Variants in CCSER1 observed in about 807,000 individuals in gnomAD.
CCSER1 encodes serine-rich coiled-coil domain-containing protein 1.
In CCSER1, 41 loss-of-function variants were observed where a neutral mutation model predicts 82.0. The observed-to-expected ratio is 0.50, with a 90% confidence interval of 0.39 to 0.65. The LOEUF is 0.65. Among genes scored for constraint, CCSER1 ranks in the 30% least tolerant of loss-of-function variants. The pLI is 0.00. For missense variants in CCSER1, 1,119 were observed against 1,064.2 expected, an observed-to-expected ratio of 1.05 and a Z score of -0.72; for synonymous variants, 414 against 383.9, an observed-to-expected ratio of 1.08 and a Z score of -0.92.
intron 4 of CCSER1, among the ~76,000 whole-genome samples, chr4:90,412,588 A>G (rs1239777206): frequency 1.3e-5 from 2 of 152,076 alleles, no homozygotes; most frequent in Non-Finnish European, 2.9e-5. Flanking sequence ...CGAGGGATGC[A>G]GGGATGGTTT....
chr4:91,486,202 G>A (rs112183341), intron 10 of CCSER1, among the ~76,000 whole-genome samples: 1 of 151,440 alleles, frequency 6.6e-6, no homozygotes, highest in African/African-American at 2.4e-5. Context: ...TTGTTATTTT[G>A]TAATATCAAT....
intron 10 of CCSER1, among the ~76,000 whole-genome samples, chr4:91,310,479 AG>A (rs2149252306): frequency 6.6e-6 from 1 of 152,018 alleles, no homozygotes; most frequent in East Asian, 2.0e-4. Context: ...GTCTTTGTCA[AG>A]AAGAAGACAA....
At chr4:91,190,409 T>C (rs1354984827) in intron 10 of CCSER1, among the ~76,000 whole-genome samples, 1 of 152,202 alleles carries the variant, frequency 6.6e-6, no homozygotes, top group Non-Finnish European at 1.5e-5. Flanking sequence ...AAAGCTTACT[T>C]ATCTTCTTAT....
At chr4:91,277,961 G>A (rs1407281375) in intron 10 of CCSER1, among the ~76,000 whole-genome samples, 1 of 151,866 alleles carries the variant, frequency 6.6e-6, no homozygotes, top group Non-Finnish European at 1.5e-5. Context: ...GGAGCATGTT[G>A]TTTAATTTCC....
intron 10 of CCSER1, among the ~76,000 whole-genome samples, chr4:91,471,908 T>TGCAGTGA (rs1331671148): frequency 6.8e-6 from 1 of 147,362 alleles, no homozygotes; most frequent in Non-Finnish European, 1.5e-5. Flanking sequence ...AGGCAGAGCT[T>TGCAGTGA]GCAGTGAGCT....
At chr4:90,963,649 A>C (rs1303896517) in intron 9 of CCSER1, among the ~76,000 whole-genome samples, 1 of 152,048 alleles carries the variant, frequency 6.6e-6, no homozygotes, top group Non-Finnish European at 1.5e-5. Context: ...AGCCATCTGC[A>C]TCCATTGGAG....
chr4:91,301,399 C>G (rs1744652965), intron 10 of CCSER1, among the ~76,000 whole-genome samples: 1 of 151,610 alleles, frequency 6.6e-6, no homozygotes, highest in African/African-American at 2.4e-5. Context: ...ACATGACTGT[C>G]ATATATTCCA....
At chr4:91,569,980 G>T (rs753584358) in intron 10 of CCSER1, among the ~76,000 whole-genome samples, 1 of 152,114 alleles carries the variant, frequency 6.6e-6, no homozygotes, top group Non-Finnish European at 1.5e-5. Context: ...ATATGATGGG[G>T]GAAAAGGCAC....
At chr4:90,849,923 C>T (rs190273051) in intron 8 of CCSER1, among the ~76,000 whole-genome samples, 1 of 152,186 alleles carries the variant, frequency 6.6e-6, no homozygotes, top group Non-Finnish European at 1.5e-5. Flanking sequence ...TGTCAGAGAC[C>T]TTCACAATAG....
At chr4:90,153,821 A>C (rs936639856) in intron 1 of CCSER1, among the ~76,000 whole-genome samples, 5 of 151,996 alleles carry the variant, frequency 3.3e-5, no homozygotes, top group Non-Finnish European at 7.4e-5. Context: ...ATTTTCTCCC[A>C]TTTTGTAGGT....
chr4:90,375,456 C>T (rs1435133057), intron 3 of CCSER1, among the ~76,000 whole-genome samples: 1 of 152,130 alleles, frequency 6.6e-6, no homozygotes. Context: ...GAGAGAACAA[C>T]TTAGACCCTG....
chr4:90,879,673 A>G (rs1720991387), intron 8 of CCSER1, among the ~76,000 whole-genome samples: 1 of 152,050 alleles, frequency 6.6e-6, no homozygotes, highest in Non-Finnish European at 1.5e-5. Flanking sequence ...AAGAAGAAGA[A>G]GAAAGAAGAA....
intron 6 of CCSER1, among the ~76,000 whole-genome samples, chr4:90,704,573 C>T (rs1221571057): frequency 6.6e-6 from 1 of 152,174 alleles, no homozygotes; most frequent in African/African-American, 2.4e-5. Flanking sequence ...GAGTGTTTTC[C>T]AAGTTGGTTC....
At chr4:91,179,609 G>C (rs1234638633) in intron 10 of CCSER1, among the ~76,000 whole-genome samples, 1 of 152,178 alleles carries the variant, frequency 6.6e-6, no homozygotes, top group African/African-American at 2.4e-5. Context: ...ACTGAAGCTT[G>C]TGCATGCATC....
chr4:90,468,490 A>C lies in CCSER1; in HGVS notation c.1724+136A>C, dbSNP rs751269180. On this transcript the variant is annotated intron_variant, in intron 5 of 10. Transcript: ENST00000509176. ...AATTTTATGGGTTAAAAAATCATCT[A>C]TTCTATATTATCTTAATGAATTAAC... The C allele has an allele frequency of 5.6e-5, 39 of 699,188 alleles. No individual in the cohort carries two copies. The Admixed American group carries it at 9.2e-4, about 16-fold the overall frequency. 43.3% of individuals were successfully genotyped at this position (699,188 alleles called of 1,614,324 possible).
At chr4:90,331,637 A>G (rs1036106606) in intron 3 of CCSER1, among the ~76,000 whole-genome samples, 4 of 152,182 alleles carry the variant, frequency 2.6e-5, no homozygotes, top group Admixed American at 6.5e-5. Context: ...TAATCAATCA[A>G]ATGGTGAACA....
chr4:90,587,932 C>G (rs1219437387), intron 5 of CCSER1, among the ~76,000 whole-genome samples: 1 of 152,200 alleles, frequency 6.6e-6, no homozygotes, highest in Non-Finnish European at 1.5e-5. Flanking sequence ...AAATGTCATA[C>G]AAATTGTTTG....
At chr4:90,545,498 C>T (rs924983059) in intron 5 of CCSER1, among the ~76,000 whole-genome samples, 18 of 152,112 alleles carry the variant, frequency 1.2e-4, no homozygotes, top group African/African-American at 4.1e-4. Flanking sequence ...ACAGTCTCCT[C>T]TCTGCCTCGA....
intron 9 of CCSER1, among the ~76,000 whole-genome samples, chr4:91,026,482 T>A (rs1362914074): frequency 6.6e-6 from 1 of 152,140 alleles, no homozygotes; most frequent in African/African-American, 2.4e-5. Flanking sequence ...TTCATGAAAC[T>A]CTATTCTCTT....
Sources: allele counts gnomAD v4.1 joint callset (sites outside exome capture counted in the v4.1 genomes callset), GRCh38; gene constraint gnomAD v4.1.1; transcripts MANE v1.5; gene names NCBI Gene and HGNC (gene_info 2026-07-23, HGNC 2026-07-21).